The following SPATA6 variants were observed in gnomAD, a reference collection of about 807,000 sequenced individuals.
SPATA6 encodes spermatogenesis-associated protein 6.
A neutral mutation model predicts 65.3 loss-of-function variants in SPATA6; 56 were observed. That is an observed-to-expected ratio of 0.86 (90% CI 0.69 to 1.07). SPATA6 has a LOEUF of 1.07. Among genes scored for constraint, SPATA6 ranks in the 50% least tolerant of loss-of-function variants. The probability of loss-of-function intolerance (pLI) is 0.00; values close to 1 mark genes in which losing one functional copy is unlikely to be tolerated. For synonymous variants in SPATA6, 199 were observed against 213.2 expected, an observed-to-expected ratio of 0.93 and a Z score of 0.58; for missense variants, 590 against 594.8, an observed-to-expected ratio of 0.99 and a Z score of 0.08.
chr1:48,284,572 T>C, the SPATA6 span, among the ~76,000 whole-genome samples: 1 of 152,350 alleles, frequency 6.6e-6, no homozygotes, highest in South Asian at 2.1e-4. Flanking sequence ...TGGATGTATC[T>C]ACCTTTGGTC....
intron 1 of SPATA6, among the ~76,000 whole-genome samples, chr1:48,461,570 T>C (rs1657433433): frequency 6.6e-6 from 1 of 152,206 alleles, no homozygotes; most frequent in Non-Finnish European, 1.5e-5. Flanking sequence ...TAGCCAATTT[T>C]CCCAGCACCA....
At chr1:48,318,610 T>C (rs1391401579) in intron 11 of SPATA6, among the ~76,000 whole-genome samples, 1 of 152,150 alleles carries the variant, frequency 6.6e-6, no homozygotes, top group Non-Finnish European at 1.5e-5. Context: ...ACATATTTCA[T>C]ATAAGATGAC....
chr1:48,337,860 G>GA (rs1275069882), intron 11 of SPATA6, among the ~76,000 whole-genome samples: 1 of 151,966 alleles, frequency 6.6e-6, no homozygotes, highest in Non-Finnish European at 1.5e-5. Flanking sequence ...ACAATTTCAT[G>GA]AACTGGAAGA....
the SPATA6 span, among the ~76,000 whole-genome samples, chr1:48,283,172 AGG>A: frequency 2.2e-5 from 2 of 92,456 alleles, no homozygotes; most frequent in Non-Finnish European, 4.1e-5. Flanking sequence ...ATCACACTCT[AGG>A]GACTGTTGTG....
At chr1:48,333,434 T>C (rs1464010177) in intron 11 of SPATA6, among the ~76,000 whole-genome samples, 1 of 152,184 alleles carries the variant, frequency 6.6e-6, no homozygotes, top group African/African-American at 2.4e-5. Context: ...ACTGGCTTCC[T>C]TGCTCCTCAA....
intron 3 of SPATA6, among the ~76,000 whole-genome samples, chr1:48,420,187 C>T (rs1653191003): frequency 2.0e-5 from 3 of 152,128 alleles, no homozygotes; most frequent in Admixed American, 2.0e-4. Flanking sequence ...TTCTGAATAG[C>T]TAGCATGTGG....
At chr1:48,392,940 G>A (rs778971614) in intron 8 of SPATA6, among the ~76,000 whole-genome samples, 8 of 151,788 alleles carry the variant, frequency 5.3e-5, no homozygotes, top group Non-Finnish European at 1.2e-4. Context: ...AAAAGTTGAG[G>A]GGGGACATTA....
chr1:48,380,487 A>C (rs1193577801), intron 9 of SPATA6, among the ~76,000 whole-genome samples: 1 of 151,994 alleles, frequency 6.6e-6, no homozygotes, highest in Non-Finnish European at 1.5e-5. Flanking sequence ...AGGGCTCTTA[A>C]TACCTGACTT....
intron 11 of SPATA6, among the ~76,000 whole-genome samples, chr1:48,338,847 G>T (rs767910938): frequency 5.3e-5 from 8 of 152,154 alleles, no homozygotes; most frequent in Admixed American, 6.6e-5. Context: ...CACAAAGAAT[G>T]ACTTTAATAA....
At chr1:48,450,248 T>C (rs1557724616) in intron 3 of SPATA6, among the ~76,000 whole-genome samples, 1 of 150,282 alleles carries the variant, frequency 6.7e-6, no homozygotes, top group Non-Finnish European at 1.5e-5. Context: ...AGAAAGCCAG[T>C]GAAATATTAA....
intron 11 of SPATA6, among the ~76,000 whole-genome samples, chr1:48,310,966 T>C (rs946102954): frequency 6.6e-6 from 1 of 152,076 alleles, no homozygotes; most frequent in South Asian, 2.1e-4. Flanking sequence ...AACAATATAC[T>C]ACTAAATGAT....
At chr1:48,358,812 G>A (rs912977422) in intron 10 of SPATA6, among the ~76,000 whole-genome samples, 2 of 152,046 alleles carry the variant, frequency 1.3e-5, no homozygotes, top group African/African-American at 4.8e-5. Context: ...TCTACAACAT[G>A]CCTCCATATA....
chr1:48,400,365 C>A (rs888543009), intron 6 of SPATA6, among the ~76,000 whole-genome samples: 2 of 151,806 alleles, frequency 1.3e-5, no homozygotes, highest in African/African-American at 4.8e-5. Context: ...AGTTTTGAGG[C>A]TAAAATTTAA....
chr1:48,401,765 T>C (rs1052784829), intron 6 of SPATA6, among the ~76,000 whole-genome samples: 1 of 152,088 alleles, frequency 6.6e-6, no homozygotes, highest in Non-Finnish European at 1.5e-5. Context: ...TAGCCAACCA[T>C]TCTAGACTAA....
intron 11 of SPATA6, among the ~76,000 whole-genome samples, chr1:48,315,994 C>G (rs1482890785): frequency 6.6e-6 from 1 of 152,122 alleles, no homozygotes; most frequent in Admixed American, 6.6e-5. Flanking sequence ...TGAAGGGCCT[C>G]TTCAAGGAGA....
chr1:48,459,236 T>TG (rs1657244247), intron 1 of SPATA6, among the ~76,000 whole-genome samples: 2 of 144,964 alleles, frequency 1.4e-5, no homozygotes, highest in South Asian at 4.4e-4. Flanking sequence ...GAACGTTTCA[T>TG]GGGATGTGAA....
At chr1:48,343,145 G>T (rs980543760) in intron 11 of SPATA6, among the ~76,000 whole-genome samples, 3 of 152,104 alleles carry the variant, frequency 2.0e-5, no homozygotes, top group Non-Finnish European at 4.4e-5. Flanking sequence ...TTTGATTTTT[G>T]TGTGATGAAA....
chr1:48,346,207 A>G (rs1038118088), intron 11 of SPATA6, among the ~76,000 whole-genome samples: 4 of 151,788 alleles, frequency 2.6e-5, no homozygotes, highest in Non-Finnish European at 4.4e-5. Flanking sequence ...GATTCATCAC[A>G]TAAACAGAAA....
At chr1:48,326,934 T>C (rs1363071720) in intron 11 of SPATA6, among the ~76,000 whole-genome samples, 1 of 152,038 alleles carries the variant, frequency 6.6e-6, no homozygotes. Context: ...CTACTGAATA[T>C]TGGCCTAGAC....
Sources: gnomAD v4.1 joint callset for allele counts (sites outside exome capture counted in the v4.1 genomes callset) on GRCh38, gnomAD v4.1.1 for gene constraint, MANE v1.5 for transcripts, NCBI Gene and HGNC (gene_info 2026-07-23, HGNC 2026-07-21) for gene names.